The following LEPR variants were observed in gnomAD, a reference collection of about 807,000 sequenced individuals.
LEPR encodes the protein leptin receptor, also known as OB receptor.
In LEPR, 56 loss-of-function variants were observed where a neutral mutation model predicts 114.7. That is an observed-to-expected ratio of 0.49 (90% CI 0.39 to 0.61). The LOEUF is 0.61. Among genes scored for constraint, LEPR ranks in the 20% least tolerant of loss-of-function variants. The probability of loss-of-function intolerance (pLI) is 0.00; values close to 1 mark genes in which losing one functional copy is unlikely to be tolerated. For synonymous variants in LEPR, 443 were observed against 461.4 expected (o/e 0.96, Z 0.51); for missense variants, 1,202 against 1,352.9 (o/e 0.89, Z 1.75).
intron 2 of LEPR, chr1:65,430,295 A>G (rs933021731): frequency 1.1e-4 from 37 of 325,614 alleles, no homozygotes; most frequent in Non-Finnish European, 1.7e-5. Context: ...ACTTTAAGCT[A>G]TTCTCTGGAA....
chr1:65,593,170 G>A (rs202117376), intron 6 of LEPR, among the ~76,000 whole-genome samples: 1 of 101,926 alleles, frequency 9.8e-6, no homozygotes. Flanking sequence ...TTTGAAAATA[G>A]TAGCATGTTT....
chr1:65,447,022 G>A (rs1380352381), intron 2 of LEPR, among the ~76,000 whole-genome samples: 5 of 152,000 alleles, frequency 3.3e-5, no homozygotes, highest in African/African-American at 7.3e-5. Flanking sequence ...TGTAGAGACA[G>A]GATTTCGCCA....
At chr1:65,532,250 G>C (rs1368021819) in intron 2 of LEPR, among the ~76,000 whole-genome samples, 1 of 152,150 alleles carries the variant, frequency 6.6e-6, no homozygotes, top group Non-Finnish European at 1.5e-5. Context: ...ACTTCTCCAT[G>C]TAATAACTTG....
Position 65,459,547 on chromosome 1 carries a change from T to C in LEPR, c.-21+34169T>C, listed in dbSNP as rs115784113. Among the ~76,000 whole-genome samples, 742 of 152,280 alleles carry C rather than the reference T, an allele frequency of 4.9e-3. 8 individuals are homozygous for C. The highest frequency in any genetic ancestry group is 0.017 in the African/African-American group (716 of 41,554). The stretch of plus-strand genomic sequence containing the variant: ...TCAAATCAGGAAGTGGAGCTCCTTC[T>C]TCCCTCAGCATCTTTCTAATGCCCT... On this transcript the variant is annotated intron_variant, in intron 2 of 19. Transcript: ENST00000349533.
At chr1:65,607,110 C>G (rs948353231) in intron 11 of LEPR, among the ~76,000 whole-genome samples, 4 of 152,124 alleles carry the variant, frequency 2.6e-5, no homozygotes, top group Admixed American at 6.5e-5. Context: ...AAGGTAAACC[C>G]TGGAACTCTA....
chr1:65,616,182 G>A lies in LEPR; in HGVS notation c.2170G>A (p.Val724Ile), dbSNP rs1451911649. The stretch of plus-strand genomic sequence containing the variant: ...GGCCATCAATTCAATTGGTGCTTCT[G>A]TTGCAAATTTTAATTTAACCTTTTC... Reference protein sequence around the residue: ...VLAINSIGASVANFNLTFSWP... With the variant: ...VLAINSIGASIANFNLTFSWP... Residue 724 changes from valine to isoleucine, a missense_variant, in exon 15 of 20, where the codon GTT becomes ATT. Val to Ile is a conservative substitution (Grantham distance 29, BLOSUM62 3). Transcript: ENST00000349533. The A allele has an allele frequency of 6.2e-7, 1 of 1,614,070 alleles. No homozygotes were observed.
In LEPR at chr1:65,640,308, A is replaced by T. The variant is rs1332127127; in HGVS notation, c.*3293A>T. The T allele has an allele frequency of 6.6e-6, 1 of 152,224 alleles. No homozygotes were observed. The highest frequency in any genetic ancestry group is 6.5e-5 in the Admixed American group (1 of 15,286). The allele number at this position is 152,224 out of a possible 1,614,324, so 9.4% of individuals were successfully genotyped here. On this transcript the variant is annotated 3_prime_UTR_variant, in exon 20 of 20. Coordinates refer to ENST00000349533, the MANE Select transcript of LEPR (RefSeq NM_002303.6). The stretch of plus-strand genomic sequence containing the variant: ...GTTCCATCTCACTTAGATGTGGATG[A>T]AAAAAGATCTCTTGCTAAATTATTT...
intron 2 of LEPR, among the ~76,000 whole-genome samples, chr1:65,548,813 A>C (rs1208848683): frequency 1.3e-5 from 2 of 152,094 alleles, no homozygotes; most frequent in African/African-American, 4.8e-5. Flanking sequence ...TTTACATTTA[A>C]AGTTAATATC....
chr1:65,509,714 G>GT (rs917734981), intron 2 of LEPR, among the ~76,000 whole-genome samples: 59 of 152,152 alleles, frequency 3.9e-4, no homozygotes, highest in African/African-American at 1.4e-3. Flanking sequence ...ACACACAATT[G>GT]TTTTTTAAAT....
At chr1:65,598,531 C>T (rs1011905032) in intron 7 of LEPR, 129 bp from the exon 8 acceptor site, 50 of 1,336,382 alleles carry the variant, frequency 3.7e-5, no homozygotes, top group South Asian at 2.5e-4. Context: ...GTTTTAATTC[C>T]GCTGTGGCCA....
At position 65,514,815 on chromosome 1, in the gene LEPR, C is replaced by G. The variant is rs114778302; in HGVS notation, c.-20-50731C>G. 4.8e-3 allele frequency among the ~76,000 whole-genome samples: 732 copies of G among 152,194 alleles called. 7 individuals are homozygous for G. The highest frequency in any genetic ancestry group is 0.017 in the African/African-American group (706 of 41,524). ...TAAAATTTGCCTTTTATACTTGAGTCCAATATATATTATTTGAGCAATTTC... is the reference window on the plus strand; with the variant it reads ...TAAAATTTGCCTTTTATACTTGAGTGCAATATATATTATTTGAGCAATTTC... On this transcript the variant is annotated intron_variant, in intron 2 of 19. Coordinates refer to ENST00000349533, the MANE Select transcript of LEPR (RefSeq NM_002303.6).
chr1:65,518,960 TTTC>T (rs1429957927), intron 2 of LEPR, among the ~76,000 whole-genome samples: 10 of 148,834 alleles, frequency 6.7e-5, no homozygotes, highest in African/African-American at 2.2e-4. Flanking sequence ...CTTTCTTCTT[TTTC>T]TTTTCTTTTT....
At chr1:65,452,644 G>T (rs1485700752) in intron 2 of LEPR, among the ~76,000 whole-genome samples, 1 of 150,966 alleles carries the variant, frequency 6.6e-6, no homozygotes, top group Non-Finnish European at 1.5e-5. Context: ...TGATCATGGT[G>T]GATAAGCTTT....
chr1:65,501,715 T>G (rs745648811), intron 2 of LEPR, among the ~76,000 whole-genome samples: 7 of 152,006 alleles, frequency 4.6e-5, no homozygotes, highest in Non-Finnish European at 8.8e-5. Flanking sequence ...TAGGCTCCCT[T>G]CTCTCAGCAA....
intron 2 of LEPR, among the ~76,000 whole-genome samples, chr1:65,462,065 A>G (rs1646952828): frequency 6.6e-6 from 1 of 152,198 alleles, no homozygotes; most frequent in South Asian, 2.1e-4. Flanking sequence ...GTAGGTATAC[A>G]TGTGCCATGT....
At chr1:65,507,437 TTGTG>T (rs141990947) in intron 2 of LEPR, among the ~76,000 whole-genome samples, 1,585 of 138,796 alleles carry the variant, frequency 0.011, 30 homozygotes, top group African/African-American at 0.039. Context: ...TAGTATTCCA[TTGTG>T]TGTGTGTGTG....
At chr1:65,623,420 A>G (rs1234677676) in intron 19 of LEPR, 2 of 153,238 alleles carry the variant, frequency 1.3e-5, no homozygotes, top group African/African-American at 4.8e-5. Flanking sequence ...TTACAATCTG[A>G]AAAATGCAGT....
Position 65,479,271 on chromosome 1 carries a change from T to G in LEPR, c.-21+53893T>G, listed in dbSNP as rs368299246. Among the ~76,000 whole-genome samples the G allele has an allele frequency of 6.6e-4, 101 of 152,044 alleles. 1 individual carries two copies. Among genetic ancestry groups the G allele is most frequent in the African/African-American group, 2.3e-3 (94 of 41,370 alleles). On this transcript the variant is annotated intron_variant, in intron 2 of 19. Transcript: ENST00000349533. ...CATAGCTCTTAGTACAGGACATATT[T>G]TTTTTTACAATAGCAGCAGCAGCAG... is the stretch of plus-strand genomic sequence containing the variant.
intron 5 of LEPR, chr1:65,577,008 C>T (rs1357876007): frequency 1.1e-5 from 3 of 280,110 alleles, no homozygotes; most frequent in Non-Finnish European, 2.2e-5. Context: ...TTTTTCTGCT[C>T]ATCCTAGCTC....
Sources: gnomAD v4.1 joint callset for allele counts (sites outside exome capture counted in the v4.1 genomes callset) on GRCh38, gnomAD v4.1.1 for gene constraint, MANE v1.5 for transcripts, NCBI Gene and HGNC (gene_info 2026-07-23, HGNC 2026-07-21) for gene names.